The following NAALADL2 variants were observed in gnomAD, a reference collection of about 807,000 sequenced individuals.
NAALADL2 encodes the protein inactive N-acetylated-alpha-linked acidic dipeptidase-like protein 2.
NAALADL2 carries 76 observed loss-of-function variants against 87.2 expected under a neutral mutation model. The observed-to-expected ratio is 0.87, with a 90% CI of 0.72 to 1.05. The LOEUF is 1.05. Ranked by LOEUF, NAALADL2 falls within the 50% of genes least tolerant of loss-of-function variation. NAALADL2 has a pLI of 0.00. For synonymous variants in NAALADL2, 354 were observed against 331.0 expected (o/e 1.07, Z -0.75); for missense variants, 1,089 against 945.8 (o/e 1.15, Z -1.99).
At chr3:174,916,592 T>G (rs1457548211) in intron 1 of NAALADL2, among the ~76,000 whole-genome samples, 2 of 151,590 alleles carry the variant, frequency 1.3e-5, no homozygotes, top group East Asian at 3.9e-4. Context: ...GAGGCCATTA[T>G]TCTAAGTGAA....
chr3:175,248,987 C>T (rs1420135921), intron 3 of NAALADL2, among the ~76,000 whole-genome samples: 1 of 151,746 alleles, frequency 6.6e-6, no homozygotes, highest in Non-Finnish European at 1.5e-5. Context: ...TTTGTGATAT[C>T]ACCAATTTTG....
rs78937075 is a variant in NAALADL2, at chr3:175,553,121, G to A, written c.1654-22920G>A. On this transcript the variant is annotated intron_variant, in intron 9 of 13. Transcript: ENST00000454872. ...GCTTATAGCTCAGTGTGTATTTGCTGAGCATGATGTCAAGGTCCCAGAAAG... is the reference window on the plus strand; with the variant it reads ...GCTTATAGCTCAGTGTGTATTTGCTAAGCATGATGTCAAGGTCCCAGAAAG... Among the ~76,000 whole-genome samples the A allele has an allele frequency of 6.6e-3, 1,001 of 152,168 alleles. 12 individuals carry two copies. Among genetic ancestry groups the A allele is most frequent in the Non-Finnish European group, 0.011 (754 of 67,980 alleles).
chr3:174,888,622 T>C (rs1579374851), intron 1 of NAALADL2, among the ~76,000 whole-genome samples: 1 of 152,334 alleles, frequency 6.6e-6, no homozygotes, highest in East Asian at 1.9e-4. Context: ...GAATCTGAAG[T>C]AGTGACTCCT....
chr3:175,261,938 A>C (rs1581169840), intron 4 of NAALADL2, among the ~76,000 whole-genome samples: 1 of 152,226 alleles, frequency 6.6e-6, no homozygotes, highest in East Asian at 1.9e-4. Context: ...AGCCTGGAGG[A>C]AAATGAGAGA....
chr3:175,493,333 CCT>C (rs1222223200), intron 9 of NAALADL2, among the ~76,000 whole-genome samples: 1 of 152,070 alleles, frequency 6.6e-6, no homozygotes, highest in African/African-American at 2.4e-5. Context: ...TTTGGATTTA[CCT>C]TCTCTTGAAA....
At chr3:174,568,884 C>T (rs186949199) in intron 2 of NAALADL2, among the ~76,000 whole-genome samples, 38 of 150,684 alleles carry the variant, frequency 2.5e-4, no homozygotes, top group Non-Finnish European at 1.6e-4. Flanking sequence ...AGAATATTTT[C>T]GAAAATATAA....
intron 13 of NAALADL2, among the ~76,000 whole-genome samples, chr3:175,766,976 A>G (rs920113757): frequency 1.8e-4 from 28 of 152,226 alleles, no homozygotes; most frequent in Non-Finnish European, 1.3e-4. Context: ...CAGGGAGCCA[A>G]TAGGCACGAT....
intron 3 of NAALADL2, among the ~76,000 whole-genome samples, chr3:174,814,191 C>G (rs1720531361): frequency 6.6e-6 from 1 of 151,994 alleles, no homozygotes; most frequent in African/African-American, 2.4e-5. Context: ...TCACTGCAAG[C>G]TCCACCCCCC....
intron 2 of NAALADL2, among the ~76,000 whole-genome samples, chr3:174,705,110 A>G (rs1000266113): frequency 3.3e-5 from 5 of 152,172 alleles, no homozygotes; most frequent in Non-Finnish European, 5.9e-5. Flanking sequence ...GGTCCTAGGC[A>G]GGAACCAGAT....
chr3:175,617,096 G>A (rs937512687), intron 10 of NAALADL2, among the ~76,000 whole-genome samples: 4 of 152,128 alleles, frequency 2.6e-5, no homozygotes, highest in African/African-American at 4.8e-5. Context: ...TTAAAAAGGC[G>A]TGAGTAAAAC....
At chr3:174,982,967 T>G (rs1027224573) in intron 1 of NAALADL2, among the ~76,000 whole-genome samples, 10 of 152,226 alleles carry the variant, frequency 6.6e-5, no homozygotes, top group African/African-American at 1.9e-4. Flanking sequence ...CTGGCTAATT[T>G]TTTTGTATTT....
Position 175,395,589 on chromosome 3 carries a change from C to A in NAALADL2, c.1091-51640C>A, listed in dbSNP as rs550915967. Among the ~76,000 whole-genome samples the A allele has an allele frequency of 3.9e-5, 6 of 152,250 alleles. No individual in the cohort carries two copies. The South Asian group carries it at 1.2e-3, about 32-fold the overall frequency. On this transcript the variant is annotated intron_variant, in intron 5 of 13. Transcript: ENST00000454872. The stretch of plus-strand genomic sequence containing the variant: ...GCCCTGAATCTATAGGAAACTGACC[C>A]ATCATTGTGAGTTAAAATTTCAATA...
chr3:175,315,898 G>A (rs1414018550), intron 4 of NAALADL2, among the ~76,000 whole-genome samples: 1 of 151,900 alleles, frequency 6.6e-6, no homozygotes, highest in African/African-American at 2.4e-5. Context: ...TTGATGTTTT[G>A]GGGGGAGAAT....
chr3:175,136,395 C>T (rs1307330955), intron 2 of NAALADL2, among the ~76,000 whole-genome samples: 1 of 152,138 alleles, frequency 6.6e-6, no homozygotes, highest in African/African-American at 2.4e-5. Context: ...GGATAAAGCT[C>T]AACTATTCCA....
At chr3:175,095,954 A>G (rs759651653) in intron 1 of NAALADL2, among the ~76,000 whole-genome samples, 2 of 152,106 alleles carry the variant, frequency 1.3e-5, no homozygotes, top group Non-Finnish European at 2.9e-5. Flanking sequence ...ACTTGGCAGG[A>G]TACAACAAGC....
intron 2 of NAALADL2, among the ~76,000 whole-genome samples, chr3:175,170,211 A>G (rs1189621301): frequency 2.0e-5 from 3 of 151,660 alleles, no homozygotes; most frequent in East Asian, 3.8e-4. Flanking sequence ...TTGCAAAATC[A>G]TACCATTTCT....
chr3:175,277,267 C>T (rs1379144968), intron 4 of NAALADL2, among the ~76,000 whole-genome samples: 1 of 152,116 alleles, frequency 6.6e-6, no homozygotes, highest in Non-Finnish European at 1.5e-5. Context: ...TATACGGGTA[C>T]CACATACTAA....
intron 2 of NAALADL2, among the ~76,000 whole-genome samples, chr3:174,703,544 A>C (rs1578607180): frequency 6.6e-6 from 1 of 152,202 alleles, no homozygotes; most frequent in Admixed American, 6.5e-5. Context: ...TCGTCATCTT[A>C]TTTCAGATCA....
intron 3 of NAALADL2, among the ~76,000 whole-genome samples, chr3:174,797,011 T>G (rs1345098712): frequency 6.6e-6 from 1 of 152,124 alleles, no homozygotes; most frequent in Middle Eastern, 3.2e-3. Context: ...TTTTGAAGTG[T>G]TAGTCATAAA....
Sources: gnomAD v4.1 joint callset for allele counts (sites outside exome capture counted in the v4.1 genomes callset) on GRCh38, gnomAD v4.1.1 for gene constraint, MANE v1.5 for transcripts, NCBI Gene and HGNC (gene_info 2026-07-23, HGNC 2026-07-21) for gene names.